GLB1: variants seen among roughly 807,000 people sequenced by gnomAD.
The protein encoded by GLB1 is beta-galactosidase.
Under a neutral mutation model 74.0 loss-of-function variants are expected in GLB1, and 56 were observed. The ratio of observed to expected loss-of-function variants is 0.76; its 90% confidence interval spans 0.61 to 0.94. The LOEUF (loss-of-function observed/expected upper bound fraction) is 0.94. GLB1 is among the 40% of genes least tolerant of loss of function. The pLI, the probability that GLB1 is intolerant of heterozygous loss-of-function variation, is 0.00. For missense variants in GLB1, 787 were observed against 845.5 expected, an observed-to-expected ratio of 0.93 and a Z score of 0.86; for synonymous variants, 323 against 323.6, an observed-to-expected ratio of 1.00 and a Z score of 0.02.
At chr3:32,971,139 A>G in the GLB1 span, among the ~76,000 whole-genome samples, 1 of 152,260 alleles carries the variant, frequency 6.6e-6, no homozygotes, top group East Asian at 1.9e-4. Context: ...ATTTATATTC[A>G]GGAAGGACTG....
chr3:32,978,597 G>A, the GLB1 span, among the ~76,000 whole-genome samples: 1 of 152,154 alleles, frequency 6.6e-6, no homozygotes, highest in East Asian at 1.9e-4. Flanking sequence ...TCGGCAGAGA[G>A]AGGCAGCAGT....
chr3:33,025,084 TAC>T (rs1697681703), intron 10 of GLB1, among the ~76,000 whole-genome samples: 1 of 152,166 alleles, frequency 6.6e-6, no homozygotes, highest in African/African-American at 2.4e-5. Context: ...TAGCTGGGAC[TAC>T]AAGCATGCAC....
the GLB1 span, among the ~76,000 whole-genome samples, chr3:32,982,042 G>A: frequency 2.0e-5 from 3 of 152,032 alleles, no homozygotes; most frequent in East Asian, 1.9e-4. Flanking sequence ...AGCCGGGTGC[G>A]GTGGCTTACG....
intron 15 of GLB1, among the ~76,000 whole-genome samples, chr3:33,005,479 C>T (rs12487241): frequency 5.9e-5 from 9 of 152,146 alleles, no homozygotes; most frequent in Admixed American, 5.9e-4. Flanking sequence ...TCTTTCTATA[C>T]CTCTGTCTCT....
At chr3:32,981,182 A>G in the GLB1 span, among the ~76,000 whole-genome samples, 2 of 150,118 alleles carry the variant, frequency 1.3e-5, no homozygotes, top group African/African-American at 4.9e-5. Flanking sequence ...AGATGGGCGG[A>G]TCATGAGGTC....
chr3:33,077,169 T>G, intron 1 of GLB1: 1 of 1,459,718 alleles, frequency 6.9e-7, no homozygotes, highest in Non-Finnish European at 9.1e-7. Context: ...TGGTACCTCT[T>G]TTGTGAAGCG....
intron 10 of GLB1, among the ~76,000 whole-genome samples, chr3:33,040,345 A>T (rs1698447472): frequency 6.6e-6 from 1 of 152,074 alleles, no homozygotes; most frequent in African/African-American, 2.4e-5. Flanking sequence ...ACCCACATTC[A>T]CCCCAAATCT....
At chr3:33,059,913 T>C (rs1419583933) in intron 5 of GLB1, among the ~76,000 whole-genome samples, 1 of 152,108 alleles carries the variant, frequency 6.6e-6, no homozygotes, top group Non-Finnish European at 1.5e-5. Flanking sequence ...AAACTGTGAG[T>C]CCCAGAAAAG....
downstream of GLB1, among the ~76,000 whole-genome samples, chr3:32,993,345 C>G (rs933969793): frequency 2.0e-5 from 3 of 151,834 alleles, no homozygotes; most frequent in Non-Finnish European, 4.4e-5. Flanking sequence ...GATAAATCTG[C>G]AAATTCTAAG....
chr3:32,973,862 A>C, the GLB1 span, among the ~76,000 whole-genome samples: 1 of 152,336 alleles, frequency 6.6e-6, no homozygotes. Flanking sequence ...GAATAGAAGC[A>C]AAGTGTTGAG....
chr3:33,081,858 A>G (rs1322966651), intron 1 of GLB1, among the ~76,000 whole-genome samples: 1 of 152,232 alleles, frequency 6.6e-6, no homozygotes, highest in Non-Finnish European at 1.5e-5. Flanking sequence ...ACTGCTTGAC[A>G]TGTTTAAAAA....
intron 1 of GLB1, among the ~76,000 whole-genome samples, chr3:33,076,817 T>C (rs1700125884): frequency 6.6e-6 from 1 of 152,168 alleles, no homozygotes; most frequent in Non-Finnish European, 1.5e-5. Flanking sequence ...CTATGAAAAG[T>C]GATAAATACA....
chr3:33,017,043 C>G (rs1697263450), intron 13 of GLB1, among the ~76,000 whole-genome samples: 1 of 152,230 alleles, frequency 6.6e-6, no homozygotes, highest in African/African-American at 2.4e-5. Context: ...AACAGGAAAA[C>G]TGCCAGACAC....
At chr3:33,086,564 C>T (rs1414438245) in intron 1 of GLB1, among the ~76,000 whole-genome samples, 3 of 152,192 alleles carry the variant, frequency 2.0e-5, no homozygotes, top group African/African-American at 7.2e-5. Context: ...CCTGGACCAA[C>T]AGGTCAATCT....
chr3:32,977,828 T>C, the GLB1 span, among the ~76,000 whole-genome samples: 1 of 152,204 alleles, frequency 6.6e-6, no homozygotes, highest in South Asian at 2.1e-4. Flanking sequence ...AAACTAGCTC[T>C]TGGGAGGCAT....
the GLB1 span, among the ~76,000 whole-genome samples, chr3:32,978,400 C>A: frequency 6.8e-6 from 1 of 147,200 alleles, no homozygotes; most frequent in African/African-American, 2.5e-5. Flanking sequence ...AAAAAAAAAA[C>A]AAATTTCCTG....
the GLB1 span, among the ~76,000 whole-genome samples, chr3:32,971,991 T>C: frequency 0.49 from 74,421 of 151,886 alleles, 18,929 homozygotes; most frequent in East Asian, 0.65. Context: ...CAGTTTATGA[T>C]AAAAATAAAA....
Position 33,014,286 on chromosome 3 carries a change from T to C in GLB1, c.1504A>G (p.Ser502Gly), listed in dbSNP as rs773182845. ...GTCCAGTCCGTGAGGATATTGGAAC[T>C]GAGAGTCAGGTTAGAAACCAAACCC... The part of the protein sequence containing the change: ...FKGLVSNLTL[S>G]SNILTDWTIF... The change falls in exon 15 of 16, where the codon AGT becomes GGT. Residue 502 changes from serine to glycine, a missense_variant. By Grantham distance (56) the Ser-to-Gly change is moderately conservative (BLOSUM62 0). Coordinates refer to ENST00000307363, the MANE Select transcript of GLB1 (RefSeq NM_000404.4). 8.7e-6 allele frequency: 14 copies of C among 1,613,930 alleles called. No individual in the cohort carries two copies. The South Asian group carries it at 1.4e-4, about 16-fold the overall frequency.
At chr3:33,094,516 G>A (rs1056111056) in intron 1 of GLB1, among the ~76,000 whole-genome samples, 2 of 152,162 alleles carry the variant, frequency 1.3e-5, no homozygotes, top group Non-Finnish European at 2.9e-5. Context: ...TGTTCTATAC[G>A]TTTAAAGTTT....
Sources: allele counts gnomAD v4.1 joint callset (sites outside exome capture counted in the v4.1 genomes callset), GRCh38; gene constraint gnomAD v4.1.1; transcripts MANE v1.5; gene names NCBI Gene and HGNC (gene_info 2026-07-23, HGNC 2026-07-21).